SSU72: variants seen among roughly 807,000 people sequenced by gnomAD.
The protein encoded by SSU72 is SSU72 homolog, RNA polymerase II CTD phosphatase.
In SSU72, 12 loss-of-function variants were observed where a neutral mutation model predicts 22.7. The observed-to-expected ratio is 0.53, with a 90% confidence interval of 0.34 to 0.86. The LOEUF is 0.86. Among genes scored for constraint, SSU72 ranks in the 40% least tolerant of loss-of-function variants. The pLI is 0.02. For missense variants in SSU72, 151 were observed against 249.8 expected (o/e 0.60, Z 2.67); for synonymous variants, 116 against 98.3 (o/e 1.18, Z -1.06).
intron 2 of SSU72, among the ~76,000 whole-genome samples, chr1:1,547,166 G>T (rs1165949567): frequency 6.6e-6 from 1 of 152,166 alleles, no homozygotes; most frequent in African/African-American, 2.4e-5. Flanking sequence ...CAGCTTCATG[G>T]TGGGCACAGG....
intron 2 of SSU72, among the ~76,000 whole-genome samples, chr1:1,547,891 G>C (rs375635037): frequency 1.3e-5 from 2 of 152,312 alleles, no homozygotes; most frequent in Non-Finnish European, 2.9e-5. Flanking sequence ...CACCTGCGCC[G>C]CCCAGGTCCT....
intron 1 of SSU72, among the ~76,000 whole-genome samples, chr1:1,573,821 G>T (rs1290498493): frequency 6.6e-6 from 1 of 152,094 alleles, no homozygotes; most frequent in East Asian, 1.9e-4. Flanking sequence ...AAGTCAAGTG[G>T]TCAGTTTCTC....
intron 2 of SSU72, among the ~76,000 whole-genome samples, chr1:1,557,094 A>T (rs529504207): frequency 2.6e-5 from 4 of 152,300 alleles, no homozygotes; most frequent in East Asian, 1.9e-4. Context: ...TTGTTTGACA[A>T]ATACCTTCCC....
chr1:1,574,015 C>G (rs1371075179), intron 1 of SSU72, among the ~76,000 whole-genome samples: 1 of 127,534 alleles, frequency 7.8e-6, no homozygotes, highest in Non-Finnish European at 1.5e-5. Context: ...AAGAGAGGAT[C>G]TTTCGCAAAA....
intron 2 of SSU72, among the ~76,000 whole-genome samples, chr1:1,556,626 G>A (rs145094459): frequency 3.2e-4 from 48 of 152,280 alleles, no homozygotes; most frequent in African/African-American, 1.1e-3. Context: ...GGAACCCCTC[G>A]AAAAGGTCTC....
intron 1 of SSU72, among the ~76,000 whole-genome samples, chr1:1,567,432 G>A (rs540994691): frequency 1.5e-3 from 235 of 152,270 alleles, no homozygotes; most frequent in African/African-American, 5.3e-3. Context: ...CACGGCACCC[G>A]GACTGTGAAA....
chr1:1,574,261 G>A (rs1642778376), intron 1 of SSU72, among the ~76,000 whole-genome samples: 1 of 152,038 alleles, frequency 6.6e-6, no homozygotes, highest in South Asian at 2.1e-4. Context: ...CCACCGGACA[G>A]CGGGCGCCTC....
At position 1,541,986 on chromosome 1, in the gene SSU72, TG is replaced by T; in HGVS notation, c.*79del. On this transcript the variant is annotated 3_prime_UTR_variant, in exon 5 of 5. Coordinates refer to ENST00000291386, the MANE Select transcript of SSU72 (RefSeq NM_014188.3). ...ATGCTACCGTCACCAGCAGAACACC[TG>T]TAAGTAAAAACAAATGTCAGGAAGG... 2 of 1,372,150 alleles carry T rather than the reference TG, an allele frequency of 1.5e-6. No individual in the cohort carries two copies. Among genetic ancestry groups the T allele is most frequent in the South Asian group, 2.5e-5 (2 of 79,790 alleles). 85.0% of individuals were successfully genotyped at this position (1,372,150 alleles called of 1,614,324 possible).
Position 1,544,893 on chromosome 1 carries a change from C to T in SSU72, c.334G>A (p.Glu112Lys), listed in dbSNP as rs1642373131. 1.2e-6 allele frequency: 2 copies of T among 1,614,128 alleles called. No homozygotes were observed. Among genetic ancestry groups the T allele is most frequent in the African/African-American group, 1.3e-5 (1 of 74,956 alleles). ...KDLFDLILTC[E>K]ERVYDQVVED... Reference sequence around the variant, plus strand: ...ACCACCTGGTCATACACTCTCTCTTCGCAAGTGAGGATCAGATCAAACAGG... The same window carrying T: ...ACCACCTGGTCATACACTCTCTCTTTGCAAGTGAGGATCAGATCAAACAGG... Residue 112 changes from glutamate to lysine, a missense_variant, in exon 3 of 5, where the codon GAA (glutamate) becomes AAA (lysine). Glu to Lys is a moderately conservative substitution (Grantham distance 56). Transcript: ENST00000291386.
chr1:1,553,218 CA>C (rs1159433666), intron 2 of SSU72, among the ~76,000 whole-genome samples: 2 of 152,142 alleles, frequency 1.3e-5, no homozygotes, highest in African/African-American at 2.4e-5. Context: ...TCACCCTCAG[CA>C]CTGCTGCCAG....
chr1:1,550,550 C>T (rs2100708632), intron 2 of SSU72, among the ~76,000 whole-genome samples: 1 of 152,378 alleles, frequency 6.6e-6, no homozygotes, highest in South Asian at 2.1e-4. Context: ...GGGCCCTTGC[C>T]TCTCGCCAGA....
rs139401306 is a variant in SSU72, at chr1:1,549,129, C to T, written c.225-4127G>A. On this transcript the variant is annotated intron_variant, in intron 2 of 4. Coordinates refer to ENST00000291386, the MANE Select transcript of SSU72 (RefSeq NM_014188.3). ...AGAAAGTGTCATCAACACAGAATCA[C>T]GTTAAAATTCTGTGGGGGACTAACC... Among the ~76,000 whole-genome samples, 1,382 of 152,310 alleles carry T rather than the reference C, an allele frequency of 9.1e-3. 17 individuals are homozygous for T. The highest frequency in any genetic ancestry group is 0.031 in the African/African-American group (1,289 of 41,558).
intron 1 of SSU72, among the ~76,000 whole-genome samples, chr1:1,566,302 T>C (rs1310511292): frequency 6.6e-6 from 1 of 152,134 alleles, no homozygotes; most frequent in Non-Finnish European, 1.5e-5. Flanking sequence ...GTATAGAACA[T>C]GTGTTCTTGT....
At position 1,541,744 on chromosome 1, in the gene SSU72, G is replaced by C. The variant is rs1642321797; in HGVS notation, c.*322C>G. On this transcript the variant is annotated 3_prime_UTR_variant, in exon 5 of 5. Transcript: ENST00000291386. ...GCCGCAGCAGGGCTCTGTACAGTCC[G>C]GCCCGGTGGGGAGGAGGGAGGGAAG... 1 of 375,406 alleles carries C rather than the reference G, an allele frequency of 2.7e-6. No individual in the cohort carries two copies. The highest frequency in any genetic ancestry group is 5.1e-6 in the Non-Finnish European group (1 of 196,366). 23.3% of individuals were successfully genotyped at this position (375,406 alleles called of 1,614,324 possible).
rs529355976 is a variant in SSU72, at chr1:1,542,725, G to A, written c.484-558C>T. The stretch of plus-strand genomic sequence containing the variant: ...CACCCAGTGCCTCTAAGCAAGGAGC[G>A]GCCTGTCTGTGACTCAGCTCTGGCC... On this transcript the variant is annotated intron_variant, in intron 4 of 4. Transcript: ENST00000291386. The surrounding 1 kb of genome is among the most constrained non-coding windows in gnomAD (Gnocchi z 4.4). Among the ~76,000 whole-genome samples the A allele has an allele frequency of 1.3e-5, 2 of 152,142 alleles. No homozygotes were observed. The highest frequency in any genetic ancestry group is 1.9e-4 in the East Asian group (1 of 5,160).
At chr1:1,573,203 C>T (rs1249584907) in intron 1 of SSU72, among the ~76,000 whole-genome samples, 3 of 148,760 alleles carry the variant, frequency 2.0e-5, no homozygotes, top group Non-Finnish European at 4.4e-5. Flanking sequence ...GGGCAGATCA[C>T]GAGGTCATAA....
chr1:1,555,215 A>G (rs1642507739), intron 2 of SSU72, among the ~76,000 whole-genome samples: 1 of 152,204 alleles, frequency 6.6e-6, no homozygotes, highest in African/African-American at 2.4e-5. Flanking sequence ...AGGTCAGGTT[A>G]GAGCTGGGTC....
intron 2 of SSU72, among the ~76,000 whole-genome samples, chr1:1,558,171 A>G (rs984006063): frequency 3.5e-5 from 5 of 144,830 alleles, no homozygotes; most frequent in Admixed American, 1.4e-4. Flanking sequence ...ATTGCACTCC[A>G]GCCTGGGCAA....
intron 2 of SSU72, among the ~76,000 whole-genome samples, chr1:1,558,267 C>T (rs1457329487): frequency 2.0e-5 from 3 of 150,216 alleles, no homozygotes; most frequent in Non-Finnish European, 4.4e-5. Flanking sequence ...GGGAGGGTGA[C>T]GTGGCAGGAT....
Sources: gnomAD v4.1 joint callset for allele counts (sites outside exome capture counted in the v4.1 genomes callset) on GRCh38, gnomAD v4.1.1 for gene constraint, Gnocchi (gnomAD v3.1) non-coding constraint, MANE v1.5 for transcripts, NCBI Gene and HGNC (gene_info 2026-07-23, HGNC 2026-07-21) for gene names.